VOPP1: variants seen among roughly 807,000 people sequenced by gnomAD.
VOPP1 encodes WW domain binding protein VOPP1.
In VOPP1, 8 loss-of-function variants were observed where a neutral mutation model predicts 23.5. That is an observed-to-expected ratio of 0.34 (90% confidence interval 0.20 to 0.61). The LOEUF (loss-of-function observed/expected upper bound fraction) is 0.61, where lower values mean the gene tolerates loss of function less well. Among genes scored for constraint, VOPP1 ranks in the 20% least tolerant of loss-of-function variants. The probability of loss-of-function intolerance (pLI) is 0.78; values close to 1 mark genes in which losing one functional copy is unlikely to be tolerated. For synonymous variants in VOPP1, 83 were observed against 97.3 expected, an observed-to-expected ratio of 0.85 and a Z score of 0.86; for missense variants, 174 against 238.1, an observed-to-expected ratio of 0.73 and a Z score of 1.77.
In VOPP1 at chr7:55,497,708, G is replaced by A. The variant is rs1358033034; in HGVS notation, c.114-18C>T. On this transcript the variant is annotated intron_variant, in intron 2 of 4. Transcript: ENST00000285279. ...AGCGGCATCTGTGGAGAGAGGCACA[G>A]GCTGGTCAGCACTGAATTGGAAGCA... 1.2e-6 allele frequency: 2 copies of A among 1,613,436 alleles called. No individual in the cohort carries two copies. The highest frequency in any genetic ancestry group is 1.6e-4 in the Middle Eastern group (1 of 6,062).
At chr7:55,487,072 T>A (rs577187282) in intron 4 of VOPP1, among the ~76,000 whole-genome samples, 1 of 152,360 alleles carries the variant, frequency 6.6e-6, no homozygotes, top group Admixed American at 6.5e-5. Context: ...ATTCCACCAG[T>A]TCTGAAGCCA....
intron 2 of VOPP1, among the ~76,000 whole-genome samples, chr7:55,508,236 A>C (rs1344741863): frequency 6.6e-6 from 1 of 152,126 alleles, no homozygotes; most frequent in Non-Finnish European, 1.5e-5. Flanking sequence ...GAAGCTCTTA[A>C]ATTACTGCTG....
intron 4 of VOPP1, among the ~76,000 whole-genome samples, chr7:55,436,755 T>A (rs1298368268): frequency 6.6e-6 from 1 of 152,172 alleles, no homozygotes; most frequent in Non-Finnish European, 1.5e-5. Flanking sequence ...GAGGAAAAGA[T>A]GCTGCAGGAG....
At chr7:55,517,392 G>C (rs1264059673) in intron 2 of VOPP1, among the ~76,000 whole-genome samples, 1 of 152,060 alleles carries the variant, frequency 6.6e-6, no homozygotes, top group African/African-American at 2.4e-5. Context: ...CACGTCGTGG[G>C]CCCTCCACAG....
intron 1 of VOPP1, among the ~76,000 whole-genome samples, chr7:55,555,113 C>T (rs749436354): frequency 7.2e-5 from 11 of 152,192 alleles, no homozygotes; most frequent in Non-Finnish European, 1.6e-4. Flanking sequence ...GAGAAATATA[C>T]TTTTTAAAAA....
At chr7:55,449,802 G>C (rs1791198331) in intron 4 of VOPP1, among the ~76,000 whole-genome samples, 1 of 152,134 alleles carries the variant, frequency 6.6e-6, no homozygotes, top group African/African-American at 2.4e-5. Flanking sequence ...CCCTGCCTCG[G>C]TAGGTCCTGC....
At chr7:55,557,339 C>T (rs1797844279) in intron 1 of VOPP1, among the ~76,000 whole-genome samples, 1 of 152,030 alleles carries the variant, frequency 6.6e-6, no homozygotes, top group African/African-American at 2.4e-5. Context: ...CATGTGCTTA[C>T]TTAAAACAAT....
intron 2 of VOPP1, among the ~76,000 whole-genome samples, chr7:55,507,675 T>C (rs1046495217): frequency 5.3e-5 from 8 of 152,234 alleles, no homozygotes; most frequent in African/African-American, 1.7e-4. Context: ...TATGAACTCA[T>C]GGTTCTTTCT....
chr7:55,556,105 G>A (rs1797791760), intron 1 of VOPP1, among the ~76,000 whole-genome samples: 1 of 152,212 alleles, frequency 6.6e-6, no homozygotes, highest in Non-Finnish European at 1.5e-5. Flanking sequence ...GAAAGCTGCT[G>A]CACTCACCTA....
At chr7:55,474,701 G>C (rs1253174033) in intron 4 of VOPP1, among the ~76,000 whole-genome samples, 2 of 152,250 alleles carry the variant, frequency 1.3e-5, no homozygotes, top group Non-Finnish European at 2.9e-5. Flanking sequence ...GTCCCTGCTG[G>C]ACTGGAGAGG....
chr7:55,568,637 G>C (rs1264034916), intron 1 of VOPP1, among the ~76,000 whole-genome samples: 2 of 152,164 alleles, frequency 1.3e-5, no homozygotes, highest in African/African-American at 4.8e-5. Context: ...ATACTAAGTA[G>C]ATTTCAAAAG....
chr7:55,468,416 A>G (rs1583824630), downstream of VOPP1, among the ~76,000 whole-genome samples: 1 of 152,100 alleles, frequency 6.6e-6, no homozygotes, highest in African/African-American at 2.4e-5. Context: ...TGGCTGCCCC[A>G]AGAGGAGGTA....
intron 4 of VOPP1, among the ~76,000 whole-genome samples, chr7:55,473,908 G>T (rs1437404014): frequency 1.3e-5 from 2 of 152,022 alleles, no homozygotes; most frequent in Non-Finnish European, 2.9e-5. Flanking sequence ...TATTGTGTAG[G>T]GTTTTTTTTC....
chr7:55,453,061 G>A (rs890709840), intron 4 of VOPP1, among the ~76,000 whole-genome samples: 8 of 152,118 alleles, frequency 5.3e-5, no homozygotes, highest in Non-Finnish European at 1.0e-4. Context: ...CTCTGTTGTC[G>A]AGTGTAGCCA....
intron 2 of VOPP1, among the ~76,000 whole-genome samples, chr7:55,512,180 C>A (rs1795112118): frequency 6.6e-6 from 1 of 152,206 alleles, no homozygotes; most frequent in Non-Finnish European, 1.5e-5. Flanking sequence ...TATCGCAGCA[C>A]TTTGGGAGGC....
intron 2 of VOPP1, among the ~76,000 whole-genome samples, chr7:55,507,340 T>C (rs1348528281): frequency 6.6e-6 from 1 of 152,176 alleles, no homozygotes; most frequent in Admixed American, 6.5e-5. Flanking sequence ...GTGACTCTTT[T>C]CTTGGTGCTG....
At chr7:55,454,210 A>G (rs563097082) in intron 4 of VOPP1, among the ~76,000 whole-genome samples, 2 of 152,302 alleles carry the variant, frequency 1.3e-5, no homozygotes, top group African/African-American at 4.8e-5. Context: ...CTAAATGGAT[A>G]AATTTCTGGA....
chr7:55,536,567 G>T (rs946096130), intron 1 of VOPP1, among the ~76,000 whole-genome samples: 1 of 152,100 alleles, frequency 6.6e-6, no homozygotes, highest in Admixed American at 6.5e-5. Context: ...CCACCATGAG[G>T]ATAGAGAACT....
At chr7:55,508,873 C>A (rs1003693108) in intron 2 of VOPP1, among the ~76,000 whole-genome samples, 7 of 152,026 alleles carry the variant, frequency 4.6e-5, no homozygotes, top group African/African-American at 1.7e-4. Context: ...GAGATCCTGT[C>A]TCTATAAAAA....
Sources: gnomAD v4.1 joint callset for allele counts (sites outside exome capture counted in the v4.1 genomes callset) on GRCh38, gnomAD v4.1.1 for gene constraint, MANE v1.5 for transcripts, NCBI Gene and HGNC (gene_info 2026-07-23, HGNC 2026-07-21) for gene names.